PPP1R13B: variants seen among roughly 807,000 people sequenced by gnomAD.
PPP1R13B encodes the protein apoptosis-stimulating of p53 protein 1.
In PPP1R13B, 44 loss-of-function variants were observed where a neutral mutation model predicts 119.8. The observed-to-expected ratio is 0.37, with a 90% CI of 0.29 to 0.47. The LOEUF is 0.47. Ranked by LOEUF, PPP1R13B falls within the 20% of genes least tolerant of loss-of-function variation. The pLI, the probability that PPP1R13B is intolerant of heterozygous loss-of-function variation, is 0.99. For synonymous variants in PPP1R13B, 542 were observed against 561.5 expected, an observed-to-expected ratio of 0.97 and a Z score of 0.49; for missense variants, 1,227 against 1,413.5, an observed-to-expected ratio of 0.87 and a Z score of 2.12.
intron 4 of PPP1R13B, among the ~76,000 whole-genome samples, chr14:103,765,665 C>T (rs961520744): frequency 4.6e-5 from 7 of 152,150 alleles, no homozygotes; most frequent in Non-Finnish European, 1.0e-4. Context: ...ATGCTCTTCC[C>T]GCTGCCCACA....
In PPP1R13B at chr14:103,749,830, A is replaced by T; in HGVS notation, c.933T>A (p.Ser311Arg). 6.2e-7 allele frequency: 1 copy of T among 1,614,108 alleles called. No individual in the cohort carries two copies. Among genetic ancestry groups the T allele is most frequent in the East Asian group, 2.2e-5 (1 of 44,894 alleles). The stretch of plus-strand genomic sequence containing the variant: ...TCCCATAGAGACGTTCACGCAGTTC[A>T]CTGATTCGCTTGTCCATCATGGCCA... ...MEVAMMDKRISELRERLYGKK... is the reference protein window; with the variant it reads ...MEVAMMDKRIRELRERLYGKK... Residue 311 changes from serine (S) to arginine (R), a missense_variant, in exon 8 of 17, where the codon AGT becomes AGA. Ser to Arg is a moderately radical substitution (Grantham distance 110, BLOSUM62 -1). Transcript: ENST00000202556.
At chr14:103,743,556 G>A in intron 9 of PPP1R13B, among the ~76,000 whole-genome samples, 1 of 152,222 alleles carries the variant, frequency 6.6e-6, no homozygotes, top group South Asian at 2.1e-4. Context: ...CAGGCTCCTG[G>A]TTCTCTTTTA....
chr14:103,768,327 T>G (rs2084984989), intron 4 of PPP1R13B, among the ~76,000 whole-genome samples: 3 of 151,790 alleles, frequency 2.0e-5, no homozygotes, highest in Non-Finnish European at 4.4e-5. Flanking sequence ...GATGGAGTCT[T>G]GCTCTGTCGC....
At chr14:103,769,548 G>GT (rs927678755) in intron 4 of PPP1R13B, among the ~76,000 whole-genome samples, 4 of 151,956 alleles carry the variant, frequency 2.6e-5, no homozygotes, top group Non-Finnish European at 4.4e-5. Flanking sequence ...TGTATAACTA[G>GT]TTTTTTTTAA....
chr14:103,737,113 G>A, intron 15 of PPP1R13B: 1 of 152,520 alleles, frequency 6.6e-6, no homozygotes. Flanking sequence ...TCTATGCAAA[G>A]CACAGCCAAG....
chr14:103,836,109 G>A (rs747862020), intron 1 of PPP1R13B, among the ~76,000 whole-genome samples: 2 of 150,014 alleles, frequency 1.3e-5, no homozygotes, highest in Admixed American at 6.7e-5. Flanking sequence ...GCAGAGGCAC[G>A]ATCTTAGCTC....
At chr14:103,832,917 G>A (rs1025989283) in intron 1 of PPP1R13B, among the ~76,000 whole-genome samples, 15 of 152,050 alleles carry the variant, frequency 9.9e-5, no homozygotes, top group African/African-American at 3.1e-4. Context: ...GGGAGGCAGC[G>A]GCTGCAGTGA....
In PPP1R13B at chr14:103,847,473, C is replaced by A. The variant is rs2087081030; in HGVS notation, c.-166G>T. ...CGGCGGGCTGCGGGGCTCTCGCTGG[C>A]CCTGTCGCGGCCGCCGGCGCGCTGC... On this transcript the variant is annotated 5_prime_UTR_variant, in exon 1 of 17. Transcript: ENST00000202556. 1.0e-6 allele frequency: 1 copy of A among 989,924 alleles called. No homozygotes were observed. Among genetic ancestry groups the A allele is most frequent in the South Asian group, 4.5e-5 (1 of 22,156 alleles). 61.3% of individuals were successfully genotyped at this position (989,924 alleles called of 1,614,324 possible). A position where few individuals can be genotyped will look rare whatever the true frequency, so the allele number is the denominator to read the frequency against.
intron 2 of PPP1R13B, 101 bp from the exon 3 acceptor site, chr14:103,785,015 T>TAGACATAC: frequency 1.9e-6 from 2 of 1,030,388 alleles, no homozygotes; most frequent in South Asian, 2.5e-5. Flanking sequence ...TGCACACATG[T>TAGACATAC]ATGTCTACAT....
chr14:103,839,998 T>A (rs1372492447), intron 1 of PPP1R13B: 1 of 152,238 alleles, frequency 6.6e-6, no homozygotes, highest in Non-Finnish European at 1.5e-5. Context: ...ACTACCTAAA[T>A]TTTCCAGTTT....
At chr14:103,787,941 C>T (rs934035165) in intron 2 of PPP1R13B, among the ~76,000 whole-genome samples, 5 of 151,896 alleles carry the variant, frequency 3.3e-5, no homozygotes, top group Non-Finnish European at 7.4e-5. Context: ...TGAGCCGCCG[C>T]GCCCAGCCTC....
At position 103,738,851 on chromosome 14, in the gene PPP1R13B, C is replaced by A. The variant is rs759009350; in HGVS notation, c.2730+35G>T. 2 of 1,613,342 alleles carry A rather than the reference C, an allele frequency of 1.2e-6. No individual in the cohort carries two copies. Among genetic ancestry groups the A allele is most frequent in the Non-Finnish European group, 1.7e-6 (2 of 1,179,486 alleles). On this transcript the variant is annotated intron_variant, in intron 13 of 16. Coordinates refer to ENST00000202556, the MANE Select transcript of PPP1R13B (RefSeq NM_015316.3). The surrounding 1 kb of genome is among the most constrained non-coding windows in gnomAD (Gnocchi z 5.6). ...CCTGTGAGCGCCCATCCCCTCGCCC[C>A]CAGCAGCGTGCACTGGTCCCCGGCT... is the stretch of plus-strand genomic sequence containing the variant.
chr14:103,753,213 A>G lies in PPP1R13B; in HGVS notation c.632-17T>C. ...TTTCAGCAGCTATAATTGACCACAC[A>G]AGAAAAGAATAAAAGATTTAGTTGA... On this transcript the variant is annotated splice_polypyrimidine_tract_variant and intron_variant, in intron 6 of 16. Coordinates refer to ENST00000202556, the MANE Select transcript of PPP1R13B (RefSeq NM_015316.3). 1 of 1,580,684 alleles carries G rather than the reference A, an allele frequency of 6.3e-7. No homozygotes were observed. Among genetic ancestry groups the G allele is most frequent in the Non-Finnish European group, 8.6e-7 (1 of 1,169,200 alleles).
At chr14:103,800,817 G>A (rs2085883453) in intron 1 of PPP1R13B, among the ~76,000 whole-genome samples, 1 of 151,666 alleles carries the variant, frequency 6.6e-6, no homozygotes, top group Non-Finnish European at 1.5e-5. Context: ...AATCTCCCCC[G>A]ACTCTAACTC....
At chr14:103,806,491 G>A (rs1332202943) in intron 1 of PPP1R13B, among the ~76,000 whole-genome samples, 1 of 152,154 alleles carries the variant, frequency 6.6e-6, no homozygotes, top group Non-Finnish European at 1.5e-5. Context: ...GGATCAGTTG[G>A]GGTGAGGGTG....
intron 3 of PPP1R13B, among the ~76,000 whole-genome samples, chr14:103,779,488 G>A (rs1057027994): frequency 6.6e-6 from 1 of 151,738 alleles, no homozygotes; most frequent in Admixed American, 6.6e-5. Context: ...GGGGCTGGGC[G>A]AGGTGGCTCA....
chr14:103,742,800 A>G lies in PPP1R13B; in HGVS notation c.1174T>C (p.Leu392=). 3.1e-6 allele frequency: 5 copies of G among 1,614,086 alleles called. No individual in the cohort carries two copies. The highest frequency in any genetic ancestry group is 4.2e-6 in the Non-Finnish European group (5 of 1,180,016). ...ACGGAAGAGCTAGAATTCTGTTTTAATGTTGGCCAGTTTCCATCATTAGCT... is the reference window on the plus strand; with the variant it reads ...ACGGAAGAGCTAGAATTCTGTTTTAGTGTTGGCCAGTTTCCATCATTAGCT... ...KSANDGNWPT[L]KQNSSSSVKP... is the part of the protein sequence containing the mutation. Residue 392 remains leucine (L), a synonymous_variant, in exon 10 of 17, where the codon TTA becomes CTA. Coordinates refer to ENST00000202556, the MANE Select transcript of PPP1R13B (RefSeq NM_015316.3). This position sits in a 1 kb window ranked among gnomAD's most constrained non-coding sequence, Gnocchi z 4.9.
At chr14:103,846,791 G>A (rs1392419627) in intron 1 of PPP1R13B, 2 of 457,624 alleles carry the variant, frequency 4.4e-6, no homozygotes, top group East Asian at 1.4e-4. Flanking sequence ...TGCAGATACG[G>A]GAAAAGGGAA....
chr14:103,808,970 G>A (rs2086084750), intron 1 of PPP1R13B, among the ~76,000 whole-genome samples: 1 of 152,068 alleles, frequency 6.6e-6, no homozygotes, highest in South Asian at 2.1e-4. Context: ...CTAGGCTCAA[G>A]TGATCCTCCC....
Sources: allele counts gnomAD v4.1 joint callset (sites outside exome capture counted in the v4.1 genomes callset), GRCh38; gene constraint gnomAD v4.1.1; non-coding constraint Gnocchi (gnomAD v3.1); transcripts MANE v1.5; gene names NCBI Gene and HGNC (gene_info 2026-07-23, HGNC 2026-07-21).